The following PDGFD variants were observed in gnomAD, a reference collection of about 807,000 sequenced individuals.
PDGFD encodes the protein platelet derived growth factor D, also known as platelet-derived growth factor D.
PDGFD carries 30 observed loss-of-function variants against 44.7 expected under a neutral mutation model. The ratio of observed to expected loss-of-function variants is 0.67; its 90% CI spans 0.50 to 0.91. The LOEUF (loss-of-function observed/expected upper bound fraction) is 0.91. Ranked by LOEUF, PDGFD falls within the 40% of genes least tolerant of loss-of-function variation. The pLI, the probability that PDGFD is intolerant of heterozygous loss-of-function variation, is 0.00. For synonymous variants in PDGFD, 173 were observed against 168.4 expected (o/e 1.03, Z -0.21); for missense variants, 445 against 457.8 (o/e 0.97, Z 0.25).
intron 1 of PDGFD, among the ~76,000 whole-genome samples, chr11:104,155,040 T>A (rs958631397): frequency 6.6e-6 from 1 of 152,174 alleles, no homozygotes; most frequent in African/African-American, 2.4e-5. Flanking sequence ...CCCAACAGAG[T>A]CTAATCCAAA....
intron 1 of PDGFD, among the ~76,000 whole-genome samples, chr11:104,157,786 TTTAAGTG>T (rs1256495808): frequency 6.6e-6 from 1 of 152,196 alleles, no homozygotes; most frequent in Non-Finnish European, 1.5e-5. Context: ...GGAAGCAGAC[TTTAAGTG>T]TTAAGTGTTA....
At chr11:103,978,694 T>C (rs1219480137) in intron 3 of PDGFD, among the ~76,000 whole-genome samples, 1 of 151,978 alleles carries the variant, frequency 6.6e-6, no homozygotes, top group South Asian at 2.1e-4. Context: ...GAAATGTTTG[T>C]AGATTTGGCA....
At position 104,032,901 on chromosome 11, in the gene PDGFD, T is replaced by C. The variant is rs182065337; in HGVS notation, c.125-32646A>G. 3.5e-4 allele frequency among the ~76,000 whole-genome samples: 53 copies of C among 152,080 alleles called. 1 individual carries two copies. In the East Asian group the frequency reaches 7.9e-3, roughly 23 times the overall value. The stretch of plus-strand genomic sequence containing the variant: ...TATTGTACTTACTAAGGGAGAAAAG[T>C]AAGGGAGTATACTTCACAAAGAATT... On this transcript the variant is annotated intron_variant, in intron 1 of 6. Coordinates refer to ENST00000393158, the MANE Select transcript of PDGFD (RefSeq NM_025208.5).
chr11:104,019,096 C>G (rs1859910775), intron 1 of PDGFD, among the ~76,000 whole-genome samples: 1 of 152,180 alleles, frequency 6.6e-6, no homozygotes, highest in South Asian at 2.1e-4. Context: ...GCAGACAACT[C>G]TTTTCCTTAA....
chr11:104,043,490 A>G (rs967008058), intron 1 of PDGFD, among the ~76,000 whole-genome samples: 3 of 152,230 alleles, frequency 2.0e-5, no homozygotes, highest in African/African-American at 4.8e-5. Flanking sequence ...CTTGACCCAC[A>G]GTGGCACTGT....
At chr11:104,153,602 G>C (rs1474779869) in intron 1 of PDGFD, among the ~76,000 whole-genome samples, 1 of 152,072 alleles carries the variant, frequency 6.6e-6, no homozygotes, top group Non-Finnish European at 1.5e-5. Flanking sequence ...AAAAACAATT[G>C]TGATGTGTCT....
chr11:104,007,483 A>G (rs1164100850), intron 1 of PDGFD, among the ~76,000 whole-genome samples: 5 of 152,230 alleles, frequency 3.3e-5, no homozygotes, highest in Admixed American at 3.3e-4. Context: ...GCAAAAGGAA[A>G]ATAGTTGTTG....
At chr11:104,036,704 C>A (rs528937474) in intron 1 of PDGFD, 155 of 778,412 alleles carry the variant, frequency 2.0e-4, no homozygotes, top group Middle Eastern at 1.5e-3. Flanking sequence ...GTGAATGAGC[C>A]CGGACGGTCC....
intron 6 of PDGFD, among the ~76,000 whole-genome samples, chr11:103,923,876 A>C (rs1361271360): frequency 2.0e-5 from 3 of 152,204 alleles, no homozygotes; most frequent in Non-Finnish European, 4.4e-5. Flanking sequence ...TAGAAGTAAA[A>C]ATATTAGGAC....
At chr11:104,011,240 C>T (rs551675182) in intron 1 of PDGFD, among the ~76,000 whole-genome samples, 1 of 152,156 alleles carries the variant, frequency 6.6e-6, no homozygotes, top group Admixed American at 6.5e-5. Context: ...TTTTCTTAGT[C>T]ACTTCTGACT....
At chr11:104,000,988 G>A (rs1032113786) in intron 1 of PDGFD, among the ~76,000 whole-genome samples, 2 of 152,102 alleles carry the variant, frequency 1.3e-5, no homozygotes, top group African/African-American at 4.8e-5. Context: ...CCGGGACCAC[G>A]TCTGAATTTA....
intron 1 of PDGFD, among the ~76,000 whole-genome samples, chr11:104,147,053 A>G (rs912601173): frequency 2.6e-5 from 4 of 152,126 alleles, no homozygotes; most frequent in Admixed American, 1.3e-4. Flanking sequence ...TTGTTGAAAA[A>G]TGAAAAGTGC....
intron 1 of PDGFD, among the ~76,000 whole-genome samples, chr11:104,075,213 T>C (rs1459272724): frequency 6.6e-6 from 1 of 152,180 alleles, no homozygotes; most frequent in African/African-American, 2.4e-5. Flanking sequence ...CCATATATCT[T>C]AGCTATTTTT....
At chr11:104,150,898 TAAAGTTTCCAG>T (rs1862234433) in intron 1 of PDGFD, among the ~76,000 whole-genome samples, 1 of 152,190 alleles carries the variant, frequency 6.6e-6, no homozygotes. Context: ...AAGTAACATT[TAAAGTTTCCAG>T]AATTAGGACA....
chr11:104,117,437 G>A (rs1861658779), intron 1 of PDGFD, among the ~76,000 whole-genome samples: 1 of 151,902 alleles, frequency 6.6e-6, no homozygotes, highest in African/African-American at 2.4e-5. Context: ...AGAGGAAGTT[G>A]AACTGTCACT....
At chr11:104,136,401 AAAGAT>A (rs1448659931) in intron 1 of PDGFD, among the ~76,000 whole-genome samples, 1 of 152,184 alleles carries the variant, frequency 6.6e-6, no homozygotes, top group East Asian at 1.9e-4. Context: ...CCCAGTGTAA[AAAGAT>A]AATAAGTAAT....
intron 3 of PDGFD, among the ~76,000 whole-genome samples, chr11:103,977,594 G>A (rs867460182): frequency 2.6e-5 from 4 of 151,974 alleles, no homozygotes; most frequent in South Asian, 2.1e-4. Flanking sequence ...ATAGGTCCCC[G>A]TAATTATTTG....
intron 1 of PDGFD, among the ~76,000 whole-genome samples, chr11:104,019,983 A>C (rs2134381305): frequency 6.6e-6 from 1 of 152,302 alleles, no homozygotes; most frequent in Middle Eastern, 3.4e-3. Flanking sequence ...AAAATATGGA[A>C]ATGTTTTACT....
At chr11:104,058,367 T>C (rs920270185) in intron 1 of PDGFD, among the ~76,000 whole-genome samples, 8 of 152,188 alleles carry the variant, frequency 5.3e-5, no homozygotes, top group African/African-American at 1.7e-4. Flanking sequence ...AAGAAGAGGT[T>C]TGAATGGCAC....
Sources: allele counts gnomAD v4.1 joint callset (sites outside exome capture counted in the v4.1 genomes callset), GRCh38; gene constraint gnomAD v4.1.1; transcripts MANE v1.5; gene names NCBI Gene and HGNC (gene_info 2026-07-23, HGNC 2026-07-21).